USP31: variants seen among roughly 807,000 people sequenced by gnomAD.
The protein encoded by USP31 is ubiquitin carboxyl-terminal hydrolase 31.
In USP31, 44 loss-of-function variants were observed where a neutral mutation model predicts 119.4. The ratio of observed to expected loss-of-function variants is 0.37; its 90% CI spans 0.29 to 0.47. The LOEUF (loss-of-function observed/expected upper bound fraction) is 0.47. Ranked by LOEUF, USP31 falls within the 20% of genes least tolerant of loss-of-function variation. USP31 has a pLI of 0.99. For missense variants in USP31, 1,643 were observed against 1,730.2 expected (o/e 0.95, Z 0.89); for synonymous variants, 749 against 705.6 (o/e 1.06, Z -0.97).
In USP31 at chr16:23,096,169, CA is replaced by C. The variant is rs532465605; in HGVS notation, c.1235-5366del. On this transcript the variant is annotated intron_variant, in intron 6 of 15. Coordinates refer to ENST00000219689, the MANE Select transcript of USP31 (RefSeq NM_020718.4). ...GAAGATCTACCAAGCAAATGAAAAG[CA>C]AAAAAAAAGCAGGGGTTGCAATCCT... Among the ~76,000 whole-genome samples, 9 of 147,820 alleles carry C rather than the reference CA, an allele frequency of 6.1e-5. No homozygotes were observed. In the East Asian group the frequency reaches 9.8e-4, roughly 16 times the overall value.
chr16:23,082,386 A>G (rs1900870383), intron 12 of USP31, 52 bp downstream of exon 12: 2 of 1,607,504 alleles, frequency 1.2e-6, no homozygotes, highest in Non-Finnish European at 1.7e-6. Flanking sequence ...AGCAGGGGGC[A>G]TAAGAAACTT....
rs940160178 is a variant in USP31 at position 23,066,747 on chromosome 16, TGTGAGGTTTTTTTTG to T, written c.*1284_*1298del. The stretch of plus-strand genomic sequence containing the variant: ...TGCAAAACTATATACTTTGCTTATC[TGTGAGGTTTTTTTTG>T]GTGAGGTTCTCCTTTGTAAGAAATG... On this transcript the variant is annotated 3_prime_UTR_variant, in exon 16 of 16. Coordinates refer to ENST00000219689, the MANE Select transcript of USP31 (RefSeq NM_020718.4). 5.3e-5 allele frequency: 8 copies of T among 152,198 alleles called. No individual in the cohort carries two copies. The highest frequency in any genetic ancestry group is 5.2e-4 in the Admixed American group (8 of 15,284). 9.4% of individuals were successfully genotyped at this position (152,198 alleles called of 1,614,324 possible). A position where few individuals can be genotyped will look rare whatever the true frequency, so the allele number is the denominator to read the frequency against.
intron 1 of USP31, among the ~76,000 whole-genome samples, chr16:23,126,589 C>T (rs547024824): frequency 7.6e-4 from 114 of 149,868 alleles, no homozygotes; most frequent in Non-Finnish European, 1.2e-3. Flanking sequence ...ATCACACCAC[C>T]GCACTCCAGC....
At chr16:23,117,685 G>C (rs1902535556) in intron 1 of USP31, among the ~76,000 whole-genome samples, 1 of 151,876 alleles carries the variant, frequency 6.6e-6, no homozygotes, top group African/African-American at 2.4e-5. Flanking sequence ...AGTAGAAAAA[G>C]AAAGACTGGA....
At chr16:23,134,674 T>TAAAAAAAAAAAAAAGA (rs1903132262) in intron 1 of USP31, among the ~76,000 whole-genome samples, 1 of 86,868 alleles carries the variant, frequency 1.2e-5, no homozygotes, top group Admixed American at 1.2e-4. Flanking sequence ...GAAACAAAGC[T>TAAAAAAAAAAAAAAGA]AAAAAAAAAA....
At chr16:23,127,646 T>G (rs993364240) in intron 1 of USP31, among the ~76,000 whole-genome samples, 6 of 149,568 alleles carry the variant, frequency 4.0e-5, no homozygotes, top group African/African-American at 7.3e-5. Flanking sequence ...TTTGTAGTTT[T>G]TTTTTTTTTT....
intron 1 of USP31, among the ~76,000 whole-genome samples, chr16:23,132,214 C>T (rs1454214071): frequency 6.6e-6 from 1 of 151,844 alleles, no homozygotes; most frequent in Non-Finnish European, 1.5e-5. Flanking sequence ...GAGGAACAGC[C>T]AATGAACAAT....
At chr16:23,122,273 A>G (rs1902696875) in intron 1 of USP31, among the ~76,000 whole-genome samples, 1 of 152,240 alleles carries the variant, frequency 6.6e-6, no homozygotes, top group African/African-American at 2.4e-5. Flanking sequence ...ATACCACTTC[A>G]CGCCTACTCA....
Position 23,062,225 on chromosome 16 carries a change from G to A in USP31, c.*5821C>T, listed in dbSNP as rs1471515108. The A allele has an allele frequency of 1.3e-5, 2 of 152,382 alleles. No homozygotes were observed. The highest frequency in any genetic ancestry group is 2.4e-5 in the African/African-American group (1 of 41,422). The allele number at this position is 152,382 out of a possible 1,614,324, so 9.4% of individuals were successfully genotyped here. A position where few individuals can be genotyped will look rare whatever the true frequency, so the allele number is the denominator to read the frequency against. On this transcript the variant is annotated 3_prime_UTR_variant, in exon 16 of 16. Transcript: ENST00000219689. The stretch of plus-strand genomic sequence containing the variant: ...CAGATTACTTCGAAGGTGTTGTAGT[G>A]CATTCAGCTCACCACAGATTAAAAC...
intron 8 of USP31, 144 bp from the exon 9 acceptor site, chr16:23,087,330 A>G (rs1027689388): frequency 2.5e-5 from 17 of 690,022 alleles, no homozygotes; most frequent in Non-Finnish European, 4.1e-5. Flanking sequence ...AAGGTTGTTG[A>G]GCCACTCTAA....
intron 6 of USP31, among the ~76,000 whole-genome samples, chr16:23,100,717 A>G (rs915476864): frequency 3.9e-5 from 6 of 152,140 alleles, no homozygotes; most frequent in Admixed American, 6.6e-5. Flanking sequence ...CTCCAGCCTG[A>G]GCGACAGAGC....
chr16:23,139,462 A>G (rs538348732), intron 1 of USP31, among the ~76,000 whole-genome samples: 3 of 152,234 alleles, frequency 2.0e-5, no homozygotes, highest in Non-Finnish European at 2.9e-5. Context: ...TCTACGCTGT[A>G]TTCAGCGCTA....
chr16:23,094,653 A>G (rs889121860), intron 6 of USP31, among the ~76,000 whole-genome samples: 9 of 152,142 alleles, frequency 5.9e-5, no homozygotes, highest in African/African-American at 2.2e-4. Flanking sequence ...CTTCCAGAGA[A>G]AGGATCAGGC....
At chr16:23,147,243 G>A (rs978000232) in intron 1 of USP31, among the ~76,000 whole-genome samples, 4 of 152,140 alleles carry the variant, frequency 2.6e-5, no homozygotes, top group Non-Finnish European at 5.9e-5. Context: ...TGAGTAGCCA[G>A]GATAACAGGC....
At position 23,084,764 on chromosome 16, in the gene USP31, C is replaced by T. The variant is rs201177146; in HGVS notation, c.1830+96G>A. 247 of 1,527,148 alleles carry T rather than the reference C, an allele frequency of 1.6e-4. No individual in the cohort carries two copies. In the East Asian group the frequency reaches 2.5e-3, roughly 15 times the overall value. 94.6% of individuals were successfully genotyped at this position (1,527,148 alleles called of 1,614,324 possible). A position where few individuals can be genotyped will look rare whatever the true frequency, so the allele number is the denominator to read the frequency against. On this transcript the variant is annotated intron_variant, in intron 11 of 15. Coordinates refer to ENST00000219689, the MANE Select transcript of USP31 (RefSeq NM_020718.4). ...CTTACATATATGCAAAATCCTGCGG[C>T]GACTTCTGGGGCGTGATTTGTTTCT...
Position 23,090,815 on chromosome 16 carries a change from A to G in USP31, c.1235-11T>C, listed in dbSNP as rs1901329351. On this transcript the variant is annotated splice_polypyrimidine_tract_variant and intron_variant, in intron 6 of 15. Transcript: ENST00000219689. ...TGTTTAAATGAATTCCTGAAACAGA[A>G]TAAAAACAACTCATTTTATCTCTTC... 1 of 1,512,998 alleles carries G rather than the reference A, an allele frequency of 6.6e-7. No homozygotes were observed. Among genetic ancestry groups the G allele is most frequent in the African/African-American group, 1.4e-5 (1 of 73,566 alleles). 93.7% of individuals were successfully genotyped at this position (1,512,998 alleles called of 1,614,324 possible). A position where few individuals can be genotyped will look rare whatever the true frequency, so the allele number is the denominator to read the frequency against.
chr16:23,105,394 C>T, intron 5 of USP31, 47 bp downstream of exon 5: 1 of 1,499,038 alleles, frequency 6.7e-7, no homozygotes, highest in Non-Finnish European at 9.0e-7. Flanking sequence ...GAACAGAAAG[C>T]AATACTTTTG....
In USP31 at chr16:23,062,621, G is replaced by C. The variant is rs1230075473; in HGVS notation, c.*5425C>G. 6.6e-6 allele frequency: 1 copy of C among 152,450 alleles called. No homozygotes were observed. Among genetic ancestry groups the C allele is most frequent in the Non-Finnish European group, 1.5e-5 (1 of 68,026 alleles). 9.4% of individuals were successfully genotyped at this position (152,450 alleles called of 1,614,324 possible). A position where few individuals can be genotyped will look rare whatever the true frequency, so the allele number is the denominator to read the frequency against. On this transcript the variant is annotated 3_prime_UTR_variant, in exon 16 of 16. Transcript: ENST00000219689. ...TTCTTCTTCGACAATTTCTAGCTCA[G>C]AGTGACTTCCCTATTCCCCCACGGG...
chr16:23,147,130 C>G (rs71378502), intron 1 of USP31, among the ~76,000 whole-genome samples: 41,078 of 151,948 alleles, frequency 0.27, 6,010 homozygotes, highest in Admixed American at 0.34. Flanking sequence ...TTTGTTTTTA[C>G]AGATAGAGTT....
Sources: allele counts gnomAD v4.1 joint callset (sites outside exome capture counted in the v4.1 genomes callset), GRCh38; gene constraint gnomAD v4.1.1; transcripts MANE v1.5; gene names NCBI Gene and HGNC (gene_info 2026-07-23, HGNC 2026-07-21).